The following PATJ variants were observed in gnomAD, a reference collection of about 807,000 sequenced individuals.
PATJ encodes the protein inaD-like protein.
In PATJ, 190 loss-of-function variants were observed where a neutral mutation model predicts 224.9. The observed-to-expected ratio is 0.84, with a 90% CI of 0.75 to 0.95. The LOEUF is 0.95. Ranked by LOEUF, PATJ falls within the 40% of genes least tolerant of loss-of-function variation. PATJ has a pLI of 0.00. For synonymous variants in PATJ, 769 were observed against 820.3 expected (o/e 0.94, Z 1.07); for missense variants, 2,121 against 2,270.3 (o/e 0.93, Z 1.34).
chr1:62,136,913 T>TA (rs1666966552), intron 41 of PATJ, among the ~76,000 whole-genome samples: 1 of 152,166 alleles, frequency 6.6e-6, no homozygotes, highest in Non-Finnish European at 1.5e-5. Context: ...TGGGTCCTAA[T>TA]AAGTCTAAGG....
At chr1:61,791,245 C>G in intron 8 of PATJ, 103 bp from the exon 9 acceptor site, 2 of 614,912 alleles carry the variant, frequency 3.3e-6, no homozygotes, top group South Asian at 4.5e-5. Context: ...ATTCTGCCTG[C>G]CATAGATGCT....
intron 1 of PATJ, among the ~76,000 whole-genome samples, chr1:61,753,132 A>G (rs1228350777): frequency 1.3e-5 from 2 of 152,194 alleles, no homozygotes; most frequent in Admixed American, 6.6e-5. Context: ...TAAACCTTCA[A>G]TTTTTGAAAA....
intron 30 of PATJ, among the ~76,000 whole-genome samples, chr1:62,048,495 G>A (rs1400934765): frequency 2.3e-4 from 31 of 136,234 alleles, no homozygotes; most frequent in Admixed American, 2.1e-3. Context: ...GCAGTAAGCC[G>A]AGATCGTGCC....
chr1:62,050,879 G>A (rs1260168194), intron 30 of PATJ, 87 bp from the exon 31 acceptor site: 11 of 965,590 alleles, frequency 1.1e-5, no homozygotes, highest in African/African-American at 8.3e-5. Context: ...ACCATATGAT[G>A]AGCAAATGAC....
At chr1:62,117,328 C>A in intron 37 of PATJ, 110 bp downstream of exon 37, 1 of 1,492,414 alleles carries the variant, frequency 6.7e-7, no homozygotes, top group Non-Finnish European at 8.9e-7. Context: ...ACAGCATATT[C>A]ACAGCACCAA....
At chr1:61,799,614 T>G (rs1468479790) in intron 11 of PATJ, among the ~76,000 whole-genome samples, 1 of 152,214 alleles carries the variant, frequency 6.6e-6, no homozygotes, top group East Asian at 1.9e-4. Flanking sequence ...TGGATATATA[T>G]GCATAGTGTT....
At chr1:61,806,235 T>A (rs1288859637) in intron 13 of PATJ, among the ~76,000 whole-genome samples, 1 of 152,250 alleles carries the variant, frequency 6.6e-6, no homozygotes, top group Non-Finnish European at 1.5e-5. Flanking sequence ...TGTTTATAAT[T>A]AGTACTGGTT....
chr1:61,805,782 C>T (rs939656725), intron 13 of PATJ, among the ~76,000 whole-genome samples: 10 of 152,066 alleles, frequency 6.6e-5, no homozygotes, highest in Non-Finnish European at 1.3e-4. Flanking sequence ...CCATTTAAGT[C>T]GACAATAGAC....
chr1:61,855,747 G>T (rs1023693632), intron 17 of PATJ, among the ~76,000 whole-genome samples: 1 of 152,002 alleles, frequency 6.6e-6, no homozygotes, highest in Non-Finnish European at 1.5e-5. Context: ...ACTTTTTCTA[G>T]CAAGGTCTTG....
At chr1:61,917,071 A>G (rs1378138679) in intron 26 of PATJ, among the ~76,000 whole-genome samples, 1 of 152,228 alleles carries the variant, frequency 6.6e-6, no homozygotes, top group Non-Finnish European at 1.5e-5. Flanking sequence ...TTCTGACTGC[A>G]TGACTCCTAA....
chr1:61,871,459 A>ATATATATGTGTATATACATATATATGCG (rs1666483011), intron 20 of PATJ, among the ~76,000 whole-genome samples: 5 of 56,002 alleles, frequency 8.9e-5, no homozygotes, highest in Admixed American at 2.6e-4. Flanking sequence ...ATATATGCGT[A>ATATATATGTGTATATACATATATATGCG]TATATATGTA....
At chr1:62,117,296 G>T in intron 37 of PATJ, 78 bp downstream of exon 37, 2 of 1,594,770 alleles carry the variant, frequency 1.3e-6, no homozygotes, top group Non-Finnish European at 1.7e-6. Flanking sequence ...ATAAATGGTT[G>T]TTTGGAAATA....
chr1:62,143,740 A>C (rs1191507886), intron 41 of PATJ, among the ~76,000 whole-genome samples: 1 of 152,086 alleles, frequency 6.6e-6, no homozygotes, highest in African/African-American at 2.4e-5. Flanking sequence ...GTGAGCCACC[A>C]CGCTGGCCTA....
chr1:61,848,985 T>C (rs1327391821), intron 17 of PATJ, among the ~76,000 whole-genome samples: 1 of 152,228 alleles, frequency 6.6e-6, no homozygotes, highest in African/African-American at 2.4e-5. Context: ...GTCCAGAAAT[T>C]TGTGTGTAGT....
intron 14 of PATJ, among the ~76,000 whole-genome samples, chr1:61,813,334 C>CATATATATAG (rs1557689787): frequency 1.1e-4 from 7 of 63,072 alleles, no homozygotes; most frequent in Admixed American, 6.4e-4. Context: ...ATGGAATGTA[C>CATATATATAG]ATATATATAT....
Position 61,871,920 on chromosome 1 carries a change from G to T in PATJ, c.2836-3323G>T, listed in dbSNP as rs549356719. Reference sequence around the variant, plus strand: ...GGGGTTTCTCCATGTTGGTCAGGCTGGTCTTGAACTCCTGACCTCAAGTGG... The same window carrying T: ...GGGGTTTCTCCATGTTGGTCAGGCTTGTCTTGAACTCCTGACCTCAAGTGG... On this transcript the variant is annotated intron_variant, in intron 20 of 43. Coordinates refer to ENST00000642238, the MANE Select transcript of PATJ (RefSeq NM_001350145.3). Among the ~76,000 whole-genome samples, 52 of 148,668 alleles carry T rather than the reference G, an allele frequency of 3.5e-4. 2 individuals carry two copies. In the South Asian group the frequency reaches 0.01, roughly 29 times the overall value.
rs1669790694 is a variant in PATJ at position 62,161,010 on chromosome 1, C to G, written c.5605C>G (p.Leu1869Val). 1.9e-6 allele frequency: 3 copies of G among 1,607,264 alleles called. No individual in the cohort carries two copies. The South Asian group carries it at 3.3e-5, about 18-fold the overall frequency. Reference sequence around the variant, plus strand: ...TACTCATGAGCAAGCAGTCGCCATTCTAAAACACCAGAGAGGGACTGTAAC... The same window carrying G: ...TACTCATGAGCAAGCAGTCGCCATTGTAAAACACCAGAGAGGGACTGTAAC... ...GVTHEQAVAILKHQRGTVTLT... is the reference protein window; with the variant it reads ...GVTHEQAVAIVKHQRGTVTLT... The change falls in exon 44 of 44, where the codon CTA becomes GTA. Residue 1869 changes from leucine (L) to valine (V), a missense_variant. Physicochemically the swap from Leu to Val is conservative, Grantham distance 32. Transcript: ENST00000642238.
chr1:61,893,912 A>T (rs2149120979), intron 22 of PATJ, among the ~76,000 whole-genome samples: 1 of 149,474 alleles, frequency 6.7e-6, no homozygotes, highest in South Asian at 2.1e-4. Flanking sequence ...AATGGAGAGG[A>T]GGAAGGTTTG....
intron 31 of PATJ, 87 bp downstream of exon 31, chr1:62,051,145 C>A: frequency 1.0e-6 from 1 of 960,492 alleles, no homozygotes; most frequent in South Asian, 1.5e-5. Context: ...AACCACCTAT[C>A]ATGTTTGCTT....
Sources: allele counts gnomAD v4.1 joint callset (sites outside exome capture counted in the v4.1 genomes callset), GRCh38; gene constraint gnomAD v4.1.1; transcripts MANE v1.5; gene names NCBI Gene and HGNC (gene_info 2026-07-23, HGNC 2026-07-21).